The following ERMAP variants were observed in gnomAD, a reference collection of about 807,000 sequenced individuals.
ERMAP encodes erythroid membrane-associated protein.
In ERMAP, 34 loss-of-function variants were observed where a neutral mutation model predicts 49.5. The ratio of observed to expected loss-of-function variants is 0.69; its 90% CI spans 0.52 to 0.91. The LOEUF (loss-of-function observed/expected upper bound fraction) is 0.91. Among genes scored for constraint, ERMAP ranks in the 40% least tolerant of loss-of-function variants. The pLI is 0.00. For missense variants in ERMAP, 541 were observed against 582.6 expected, an observed-to-expected ratio of 0.93 and a Z score of 0.74; for synonymous variants, 214 against 232.2, an observed-to-expected ratio of 0.92 and a Z score of 0.71.
intron 2 of ERMAP, 121 bp downstream of exon 2, chr1:42,825,859 G>T: frequency 1.8e-5 from 21 of 1,162,714 alleles, no homozygotes; most frequent in Admixed American, 3.2e-5. Context: ...GGGTGAAATG[G>T]GGCAGTTGTT....
At chr1:42,841,993 A>T (rs1655068869) in intron 11 of ERMAP, 1 of 156,904 alleles carries the variant, frequency 6.4e-6, no homozygotes, top group South Asian at 1.9e-4. Flanking sequence ...GTGCTACTTC[A>T]TAGTATGGTG....
At position 42,830,949 on chromosome 1, in the gene ERMAP, T is replaced by C. The variant is rs1299683530; in HGVS notation, c.267T>C (p.Asp89=). 1 of 1,614,158 alleles carries C rather than the reference T, an allele frequency of 6.2e-7. No homozygotes were observed. Among genetic ancestry groups the C allele is most frequent in the Admixed American group, 1.7e-5 (1 of 60,024 alleles). ...GGGATGGGAAGGACCAGGATGAAGA[T>C]CTGATGCCGGAATATAAGGGGAGGA... ...IFRDGKDQDE[D]LMPEYKGRTV... The change falls in exon 4 of 12, where the codon GAT becomes GAC. Residue 89 remains aspartate (D), a synonymous_variant. Coordinates refer to ENST00000372517, the MANE Select transcript of ERMAP (RefSeq NM_001017922.2).
Position 42,840,065 on chromosome 1 carries a change from A to G in ERMAP, c.658+12A>G. 1.2e-6 allele frequency: 2 copies of G among 1,614,098 alleles called. No homozygotes were observed. Among genetic ancestry groups the G allele is most frequent in the South Asian group, 1.1e-5 (1 of 91,080 alleles). On this transcript the variant is annotated intron_variant, in intron 9 of 11. Coordinates refer to ENST00000372517, the MANE Select transcript of ERMAP (RefSeq NM_001017922.2). ...CCGGAGTGAACTGAGTAAGTTTCCC[A>G]TGTTCTTGTAACTTCCGTACCAACT...
chr1:42,831,575 C>CTTTTTTTTTTTTTT (rs796367653), intron 4 of ERMAP, among the ~76,000 whole-genome samples: 1 of 84,010 alleles, frequency 1.2e-5, no homozygotes, highest in Non-Finnish European at 2.1e-5. Flanking sequence ...TTTTTTTTCT[C>CTTTTTTTTTTTTTT]TTTTTTTTTT....
intron 1 of ERMAP, among the ~76,000 whole-genome samples, chr1:42,823,035 A>G (rs1217093967): frequency 6.6e-6 from 1 of 152,210 alleles, no homozygotes; most frequent in African/African-American, 2.4e-5. Flanking sequence ...ATATCTTTCA[A>G]TCTGCTGCAG....
chr1:42,844,381 A>C lies in ERMAP; in HGVS notation c.*1149A>C. On this transcript the variant is annotated 3_prime_UTR_variant, in exon 12 of 12. Coordinates refer to ENST00000372517, the MANE Select transcript of ERMAP (RefSeq NM_001017922.2). This position sits in a 1 kb window ranked among gnomAD's most constrained non-coding sequence, Gnocchi z 4.0. ...GCAGATGAATACACAGTTCTATCCA[A>C]CAGAAACTGTATCTTTCTGTTTGTC... 2.8e-6 allele frequency: 1 copy of C among 354,126 alleles called. No individual in the cohort carries two copies. Among genetic ancestry groups the C allele is most frequent in the Non-Finnish European group, 5.0e-6 (1 of 198,772 alleles). The allele number at this position is 354,126 out of a possible 1,614,324, so 21.9% of individuals were successfully genotyped here.
chr1:42,842,200 G>A lies in ERMAP; in HGVS notation c.713-317G>A, dbSNP rs76707423. ...ACCTCTGAACACTGCAGCAATGAGG[G>A]ATTAAGGTTCCAACACGTGAACTTT... is the stretch of plus-strand genomic sequence containing the variant. On this transcript the variant is annotated intron_variant, in intron 11 of 11. Coordinates refer to ENST00000372517, the MANE Select transcript of ERMAP (RefSeq NM_001017922.2). 3.2e-3 allele frequency among the ~76,000 whole-genome samples: 488 copies of A among 152,260 alleles called. 1 individual carries two copies. Among genetic ancestry groups the A allele is most frequent in the African/African-American group, 0.011 (443 of 41,552 alleles).
intron 4 of ERMAP, 73 bp downstream of exon 4, chr1:42,831,188 C>T: frequency 6.6e-7 from 1 of 1,510,046 alleles, no homozygotes; most frequent in Non-Finnish European, 8.9e-7. Context: ...TACTTTGTCT[C>T]TCCATGTCTA....
chr1:42,839,819 A>C, intron 8 of ERMAP: 1 of 599,552 alleles, frequency 1.7e-6, no homozygotes, highest in Non-Finnish European at 3.0e-6. Context: ...GGTTTGGCTC[A>C]CATAGGAATT....
chr1:42,829,127 T>A (rs1270734684), intron 2 of ERMAP, among the ~76,000 whole-genome samples: 1 of 152,204 alleles, frequency 6.6e-6, no homozygotes, highest in Non-Finnish European at 1.5e-5. Context: ...CACAAAAAAA[T>A]GTGTCCTAAT....
Position 42,843,684 on chromosome 1 carries a change from C to A in ERMAP, c.*452C>A, listed in dbSNP as rs138784902. ...CTCTCTCAGTTCTGGCCTCTGCCCCCCAAAGTCAGCTCTCTAAAAGCAAGC... is the reference window on the plus strand; with the variant it reads ...CTCTCTCAGTTCTGGCCTCTGCCCCACAAAGTCAGCTCTCTAAAAGCAAGC... On this transcript the variant is annotated 3_prime_UTR_variant, in exon 12 of 12. Coordinates refer to ENST00000372517, the MANE Select transcript of ERMAP (RefSeq NM_001017922.2). The A allele has an allele frequency of 1.6e-3, 296 of 188,084 alleles. No homozygotes were observed. Among genetic ancestry groups the A allele is most frequent in the African/African-American group, 6.7e-3 (281 of 41,632 alleles). 11.7% of individuals were successfully genotyped at this position (188,084 alleles called of 1,614,324 possible). A position where few individuals can be genotyped will look rare whatever the true frequency, so the allele number is the denominator to read the frequency against.
rs1274450438 is a variant in ERMAP, at chr1:42,817,185, T to C, written c.-190T>C. ...CCGCCGACCAAGAGGCTTGGGAGTC[T>C]GTACCTTTCCCGACCGGGCCACTGG... On this transcript the variant is annotated 5_prime_UTR_variant, in exon 1 of 12. Transcript: ENST00000372517. The C allele has an allele frequency of 1.6e-6, 2 of 1,247,920 alleles. No homozygotes were observed. Among genetic ancestry groups the C allele is most frequent in the Admixed American group, 2.6e-5 (1 of 38,414 alleles). The allele number at this position is 1,247,920 out of a possible 1,614,324, so 77.3% of individuals were successfully genotyped here. A position where few individuals can be genotyped will look rare whatever the true frequency, so the allele number is the denominator to read the frequency against.
At chr1:42,825,879 TA>T in intron 2 of ERMAP, 141 bp downstream of exon 2, 1 of 1,031,800 alleles carries the variant, frequency 9.7e-7, no homozygotes, top group Non-Finnish European at 1.3e-6. Context: ...TAGCTATCAC[TA>T]AAGAAACACA....
intron 4 of ERMAP, among the ~76,000 whole-genome samples, chr1:42,832,154 T>C (rs183340978): frequency 6.6e-6 from 1 of 151,790 alleles, no homozygotes. Context: ...ACTTTCCAAA[T>C]TGGAGTCCTT....
intron 1 of ERMAP, among the ~76,000 whole-genome samples, chr1:42,818,658 A>T (rs533474020): frequency 5.3e-5 from 8 of 152,050 alleles, no homozygotes; most frequent in Admixed American, 2.6e-4. Flanking sequence ...TTTTGTAGAG[A>T]TGGAGTCTCA....
intron 1 of ERMAP, among the ~76,000 whole-genome samples, chr1:42,818,777 A>G (rs1184240026): frequency 6.6e-6 from 1 of 152,184 alleles, no homozygotes; most frequent in Admixed American, 6.5e-5. Flanking sequence ...AGCTTTTCCA[A>G]AATTTCTACA....
chr1:42,826,977 G>A (rs111988018), intron 2 of ERMAP, among the ~76,000 whole-genome samples: 14 of 152,072 alleles, frequency 9.2e-5, no homozygotes, highest in African/African-American at 3.1e-4. Context: ...TAATAGCGAT[G>A]TATTGGAAAA....
chr1:42,842,576 A>ATTT lies in ERMAP; in HGVS notation c.772_773insTTT (p.Arg258delinsIleTer), dbSNP rs769724960. 3 of 1,614,044 alleles carry ATTT rather than the reference A, an allele frequency of 1.9e-6. No homozygotes were observed. The African/African-American group carries it at 4.0e-5, about 22-fold the overall frequency. On this transcript the variant is annotated stop_gained and protein_altering_variant, in exon 12 of 12. Coordinates refer to ENST00000372517, the MANE Select transcript of ERMAP (RefSeq NM_001017922.2). LOFTEE classifies it high-confidence loss of function. ...CAAACTCATCCTTTCTGAGGACCAA[A>ATTT]GATGTGTAAGGCTTGGAGACAGACG...
In ERMAP at chr1:42,831,005, G is replaced by A; in HGVS notation, c.323G>A (p.Ser108Asn). Residue 108 changes from serine to asparagine, a missense_variant, in exon 4 of 12, where the codon AGT (serine) becomes AAT (asparagine). Ser to Asn is a conservative substitution (Grantham distance 46). Transcript: ENST00000372517. ...TVLVRDAQEG[S>N]VTLQILDVRL... ...CTAGTGAGAGATGCCCAAGAGGGAA[G>A]TGTCACTCTGCAGATCCTTGACGTG... The A allele has an allele frequency of 6.2e-7, 1 of 1,614,238 alleles. No individual in the cohort carries two copies. The highest frequency in any genetic ancestry group is 8.5e-7 in the Non-Finnish European group (1 of 1,180,030).
Sources: allele counts gnomAD v4.1 joint callset (sites outside exome capture counted in the v4.1 genomes callset), GRCh38; gene constraint gnomAD v4.1.1; non-coding constraint Gnocchi (gnomAD v3.1); transcripts MANE v1.5; gene names NCBI Gene and HGNC (gene_info 2026-07-23, HGNC 2026-07-21).